ASTN1: variants seen among roughly 807,000 people sequenced by gnomAD.
The protein encoded by ASTN1 is astrotactin 1, also known as astrotactin-1.
ASTN1 carries 41 observed loss-of-function variants against 140.7 expected under a neutral mutation model. The observed-to-expected ratio is 0.29, with a 90% CI of 0.23 to 0.38. ASTN1 has a LOEUF of 0.38. Among genes scored for constraint, ASTN1 ranks in the 10% least tolerant of loss-of-function variants. ASTN1 has a pLI of 1.00. For missense variants in ASTN1, 1,479 were observed against 1,678.8 expected (o/e 0.88, Z 2.08); for synonymous variants, 640 against 652.2 (o/e 0.98, Z 0.29).
At chr1:176,881,256 G>C (rs542369000) in intron 20 of ASTN1, among the ~76,000 whole-genome samples, 21 of 152,108 alleles carry the variant, frequency 1.4e-4, no homozygotes, top group Non-Finnish European at 5.9e-5. Flanking sequence ...TTCACAGTTC[G>C]CATTTTATAA....
At chr1:177,037,684 A>G (rs1427495154) in intron 2 of ASTN1, among the ~76,000 whole-genome samples, 1 of 152,214 alleles carries the variant, frequency 6.6e-6, no homozygotes, top group African/African-American at 2.4e-5. Context: ...GCTGCAAAAC[A>G]TGGAATTGCT....
intron 16 of ASTN1, among the ~76,000 whole-genome samples, chr1:176,901,367 C>T (rs1669757555): frequency 6.6e-6 from 1 of 152,126 alleles, no homozygotes; most frequent in Non-Finnish European, 1.5e-5. Flanking sequence ...CAGTGTGGTT[C>T]AATATGGTGA....
At position 177,159,047 on chromosome 1, in the gene ASTN1, A is replaced by G. The variant is rs145504144; in HGVS notation, c.283+5347T>C. On this transcript the variant is annotated intron_variant, in intron 1 of 22. Transcript: ENST00000361833. ...GTGCCACTGCACTCCAGCCTGGGCA[A>G]CAAAGCGAGGATCCATCTCAAAAAA... Among the ~76,000 whole-genome samples the G allele has an allele frequency of 4.8e-3, 716 of 147,938 alleles. 3 individuals are homozygous for G. The highest frequency in any genetic ancestry group is 0.017 in the African/African-American group (687 of 39,556).
intron 14 of ASTN1, among the ~76,000 whole-genome samples, chr1:176,943,343 G>A (rs560160912): frequency 1.3e-5 from 2 of 152,098 alleles, no homozygotes; most frequent in African/African-American, 4.8e-5. Flanking sequence ...CAATACTGAG[G>A]GGCAGGCATT....
intron 8 of ASTN1, among the ~76,000 whole-genome samples, chr1:176,968,066 C>G (rs1285366919): frequency 1.3e-5 from 2 of 152,176 alleles, no homozygotes; most frequent in African/African-American, 4.8e-5. Context: ...TTTCAAATGC[C>G]AGCTTAGCCA....
chr1:177,138,634 G>A (rs142576166), intron 1 of ASTN1, among the ~76,000 whole-genome samples: 2 of 152,284 alleles, frequency 1.3e-5, no homozygotes, highest in African/African-American at 4.8e-5. Context: ...AATGTACCCG[G>A]ACAGCTCTGC....
chr1:176,957,638 A>G, intron 11 of ASTN1, 40 bp downstream of exon 11: 17 of 1,606,406 alleles, frequency 1.1e-5, no homozygotes, highest in Non-Finnish European at 1.4e-5. Flanking sequence ...TTTCCTCCCC[A>G]TCCTCAAACA....
chr1:176,887,391 G>T (rs1371937295), intron 18 of ASTN1, among the ~76,000 whole-genome samples: 2 of 152,096 alleles, frequency 1.3e-5, no homozygotes, highest in Non-Finnish European at 2.9e-5. Flanking sequence ...AGCCACCAGG[G>T]TCAGAAGTCT....
At chr1:176,868,717 G>T in intron 22 of ASTN1, 127 bp downstream of exon 22, 2 of 1,007,158 alleles carry the variant, frequency 2.0e-6, no homozygotes, top group East Asian at 2.6e-5. Flanking sequence ...TAAATCAGAG[G>T]ACTGACTTCT....
At chr1:176,874,195 C>T (rs2103017539) in intron 21 of ASTN1, among the ~76,000 whole-genome samples, 1 of 152,326 alleles carries the variant, frequency 6.6e-6, no homozygotes, top group East Asian at 1.9e-4. Context: ...AATCAGCAGA[C>T]AATGAAATAA....
At chr1:177,076,278 CAAAAAA>C (rs1171864161) in intron 1 of ASTN1, among the ~76,000 whole-genome samples, 1 of 77,748 alleles carries the variant, frequency 1.3e-5, no homozygotes, top group Non-Finnish European at 2.4e-5. Context: ...GACTATGTCT[CAAAAAA>C]AAAAAAAAAA....
In ASTN1 at chr1:176,906,288, A is replaced by G. The variant is rs189614448; in HGVS notation, c.2672-11458T>C. ...GGTTGTCACATGGAGACAGGACCAC[A>G]TGAATTCTGTGTATTTTCAGAGAGC... On this transcript the variant is annotated intron_variant, in intron 16 of 22. Transcript: ENST00000361833. Among the ~76,000 whole-genome samples the G allele has an allele frequency of 2.1e-4, 32 of 152,320 alleles. No individual in the cohort carries two copies. The East Asian group carries it at 5.4e-3, about 26-fold the overall frequency.
chr1:177,098,335 T>C (rs1027482181), intron 1 of ASTN1, among the ~76,000 whole-genome samples: 1 of 152,084 alleles, frequency 6.6e-6, no homozygotes, highest in Admixed American at 6.6e-5. Context: ...TCAGGAGTGT[T>C]GTGAGTAGGA....
At chr1:176,871,601 C>G (rs1668346256) in intron 21 of ASTN1, among the ~76,000 whole-genome samples, 1 of 152,158 alleles carries the variant, frequency 6.6e-6, no homozygotes, top group Non-Finnish European at 1.5e-5. Context: ...CCACGATATT[C>G]TAGCTCTTGG....
At chr1:177,144,248 C>T (rs926930452) in intron 1 of ASTN1, among the ~76,000 whole-genome samples, 3 of 149,706 alleles carry the variant, frequency 2.0e-5, no homozygotes, top group African/African-American at 7.4e-5. Flanking sequence ...AAGTGGAACT[C>T]AATGATTTTT....
At chr1:177,085,040 A>G (rs1679362914) in intron 1 of ASTN1, among the ~76,000 whole-genome samples, 1 of 152,200 alleles carries the variant, frequency 6.6e-6, no homozygotes, top group South Asian at 2.1e-4. Context: ...GAATGGAGAA[A>G]TGAACCCAGG....
chr1:176,997,551 T>C (rs185014873), intron 8 of ASTN1, among the ~76,000 whole-genome samples: 29 of 152,010 alleles, frequency 1.9e-4, no homozygotes, highest in Non-Finnish European at 4.1e-4. Flanking sequence ...GGAGGACACA[T>C]CACATCACAG....
intron 8 of ASTN1, among the ~76,000 whole-genome samples, chr1:176,971,456 C>T (rs1342797810): frequency 1.3e-5 from 2 of 152,140 alleles, no homozygotes; most frequent in Admixed American, 6.5e-5. Context: ...ACAAAGGATG[C>T]TATAGGGCCT....
chr1:176,977,327 A>T (rs1673409567), intron 8 of ASTN1, among the ~76,000 whole-genome samples: 1 of 152,252 alleles, frequency 6.6e-6, no homozygotes, highest in South Asian at 2.1e-4. Flanking sequence ...AAAAAATATT[A>T]TCCAGTTTCC....
Sources: allele counts gnomAD v4.1 joint callset (sites outside exome capture counted in the v4.1 genomes callset), GRCh38; gene constraint gnomAD v4.1.1; transcripts MANE v1.5; gene names NCBI Gene and HGNC (gene_info 2026-07-23, HGNC 2026-07-21).